The following TBL1X variants were observed in gnomAD, a reference collection of about 807,000 sequenced individuals.
The protein encoded by TBL1X is F-box-like/WD repeat-containing protein TBL1X.
TBL1X carries 10 observed loss-of-function variants against 50.7 expected under a neutral mutation model. That is an observed-to-expected ratio of 0.20 (90% CI 0.12 to 0.33). TBL1X has a LOEUF of 0.33. Among genes scored for constraint, TBL1X ranks in the 10% least tolerant of loss-of-function variants. TBL1X has a pLI of 1.00. For missense variants in TBL1X, 340 were observed against 504.4 expected, an observed-to-expected ratio of 0.67 and a Z score of 3.12; for synonymous variants, 190 against 214.7, an observed-to-expected ratio of 0.88 and a Z score of 1.01.
chrX:9,619,251 A>G (rs1368470071), intron 2 of TBL1X, among the ~76,000 whole-genome samples: 2 of 112,331 alleles, frequency 1.8e-5, no homozygotes, highest in Non-Finnish European at 3.8e-5. Flanking sequence ...GGAATCATAA[A>G]AACTGATACA....
intron 2 of TBL1X, among the ~76,000 whole-genome samples, chrX:9,545,599 A>G (rs113747606): frequency 9.2e-6 from 1 of 109,262 alleles, no homozygotes; most frequent in East Asian, 2.9e-4. Context: ...AGATTCATGG[A>G]TCGTTAAACA....
At chrX:9,539,543 C>T (rs769379046) in intron 2 of TBL1X, among the ~76,000 whole-genome samples, 3 of 111,572 alleles carry the variant, frequency 2.7e-5, no homozygotes, top group Admixed American at 9.5e-5. Context: ...GACGTGGCTC[C>T]GATATCACTT....
At chrX:9,679,408 G>A (rs147008008) in intron 5 of TBL1X, among the ~76,000 whole-genome samples, 121 of 111,305 alleles carry the variant, frequency 1.1e-3, no homozygotes, top group African/African-American at 3.9e-3. Flanking sequence ...GAGAAGCCCT[G>A]CTGTCAAGAG....
In TBL1X at chrX:9,506,241, C is replaced by G. The variant is rs144849413; in HGVS notation, c.-131+4392C>G. On this transcript the variant is annotated intron_variant, in intron 2 of 17. Transcript: ENST00000645353. ...ACATTAAGGCAGAAATCTAGTATTT[C>G]TTTGAAACCAATGAGAACAAAGAGA... is the stretch of plus-strand genomic sequence containing the variant. Among the ~76,000 whole-genome samples, 475 of 111,753 alleles carry G rather than the reference C, an allele frequency of 4.3e-3. 17 individuals are homozygous for G. The East Asian group carries it at 0.11, about 27-fold the overall frequency.
In TBL1X at chrX:9,518,828, A is replaced by G. The variant is rs144465752; in HGVS notation, c.-131+16979A>G. ...GCCTGAAGACCCTCCTTACTCCGTT[A>G]TCATAGAACCAGAGTGGTAGCCACA... On this transcript the variant is annotated intron_variant, in intron 2 of 17. Coordinates refer to ENST00000645353, the MANE Select transcript of TBL1X (RefSeq NM_005647.4). Among the ~76,000 whole-genome samples the G allele has an allele frequency of 8.2e-3, 905 of 110,823 alleles. 15 individuals are homozygous for G. Among genetic ancestry groups the G allele is most frequent in the African/African-American group, 0.028 (867 of 30,442 alleles).
At position 9,697,441 on chromosome X, in the gene TBL1X, G is replaced by A. The variant is rs72612809; in HGVS notation, c.1114+12G>A. On this transcript the variant is annotated intron_variant, in intron 12 of 17. Coordinates refer to ENST00000645353, the MANE Select transcript of TBL1X (RefSeq NM_005647.4). The stretch of plus-strand genomic sequence containing the variant: ...TCCTTTTCATTCAGGTGAGTTTTTT[G>A]TTGTTGTTGTTGTTGTTTGTTTTTT... 7.5e-6 allele frequency: 9 copies of A among 1,200,984 alleles called. No homozygotes were observed. The African/African-American group carries it at 1.4e-4, about 19-fold the overall frequency.
chrX:9,640,269 C>T lies in TBL1X; in HGVS notation c.-130-4C>T, dbSNP rs1362386086. 8.9e-6 allele frequency: 1 copy of T among 112,217 alleles called. No individual in the cohort carries two copies. The highest frequency in any genetic ancestry group is 1.9e-5 in the Non-Finnish European group (1 of 53,191). 9.2% of individuals were successfully genotyped at this position (112,217 alleles called of 1,213,427 possible). On this transcript the variant is annotated splice_region_variant and splice_polypyrimidine_tract_variant and intron_variant, in intron 2 of 17. Transcript: ENST00000645353. The stretch of plus-strand genomic sequence containing the variant: ...TTGTTTCAAACCTTTCCCTTTCTCC[C>T]TAGGCTGGTCCCTGCAGACGGCTTC...
chrX:9,534,028 C>T (rs771023706), intron 2 of TBL1X, among the ~76,000 whole-genome samples: 37 of 111,511 alleles, frequency 3.3e-4, no homozygotes, highest in Non-Finnish European at 3.6e-4. Flanking sequence ...CATGCGGGAG[C>T]AAGGGAGGGA....
At chrX:9,473,681 G>A (rs1390432656) in intron 1 of TBL1X, among the ~76,000 whole-genome samples, 1 of 112,175 alleles carries the variant, frequency 8.9e-6, no homozygotes. Context: ...CACCTTTGAA[G>A]GGGGTTTGGT....
At chrX:9,523,137 C>G (rs757017295) in intron 2 of TBL1X, among the ~76,000 whole-genome samples, 60 of 112,064 alleles carry the variant, frequency 5.4e-4, no homozygotes, top group Non-Finnish European at 9.0e-4. Flanking sequence ...ACCCCAAGTC[C>G]AGTAGCTGAT....
chrX:9,602,931 C>T (rs765859210), intron 2 of TBL1X, among the ~76,000 whole-genome samples: 1 of 112,569 alleles, frequency 8.9e-6, no homozygotes, highest in African/African-American at 3.2e-5. Context: ...CTTCATCCAC[C>T]TGGGAGCAGT....
Position 9,665,693 on chromosome X carries a change from G to A in TBL1X, c.211+11371G>A, listed in dbSNP as rs1394134639. Among the ~76,000 whole-genome samples, 8 of 101,926 alleles carry A rather than the reference G, an allele frequency of 7.8e-5. No homozygotes were observed. The East Asian group carries it at 2.3e-3, about 29-fold the overall frequency. 88.5% of individuals were successfully genotyped at this position (101,926 alleles called of 115,157 possible). On this transcript the variant is annotated intron_variant, in intron 5 of 17. Transcript: ENST00000645353. Reference sequence around the variant, plus strand: ...CCTAAAGTAATTTCTGACAGCCCGGGACTCCTTGGGAAAAACACAGGAGGT... The same window carrying A: ...CCTAAAGTAATTTCTGACAGCCCGGAACTCCTTGGGAAAAACACAGGAGGT...
At chrX:9,575,539 G>C (rs1338143398) in intron 2 of TBL1X, among the ~76,000 whole-genome samples, 1 of 111,971 alleles carries the variant, frequency 8.9e-6, no homozygotes, top group Non-Finnish European at 1.9e-5. Flanking sequence ...TCGGTGCTTC[G>C]TTCCTTTTCA....
chrX:9,509,316 G>C, intron 2 of TBL1X, among the ~76,000 whole-genome samples: 1 of 98,402 alleles, frequency 1.0e-5, no homozygotes, highest in Admixed American at 1.1e-4. Context: ...GCATGAACCC[G>C]GGAGGTGGAG....
intron 2 of TBL1X, among the ~76,000 whole-genome samples, chrX:9,613,413 C>A (rs1185369831): frequency 9.0e-6 from 1 of 111,397 alleles, no homozygotes; most frequent in Non-Finnish European, 1.9e-5. Flanking sequence ...ATTTAAAAAT[C>A]AACACTTCCT....
At chrX:9,642,375 C>T (rs2082780136) in intron 3 of TBL1X, among the ~76,000 whole-genome samples, 1 of 111,719 alleles carries the variant, frequency 9.0e-6, no homozygotes, top group Admixed American at 9.5e-5. Flanking sequence ...GAATAACCTA[C>T]ATAACATACT....
intron 2 of TBL1X, among the ~76,000 whole-genome samples, chrX:9,594,200 T>C (rs745320843): frequency 8.9e-6 from 1 of 112,921 alleles, no homozygotes; most frequent in South Asian, 3.6e-4. Context: ...ATGAAAATTA[T>C]GTTTATAAAA....
intron 2 of TBL1X, among the ~76,000 whole-genome samples, chrX:9,542,882 C>T (rs936619701): frequency 2.7e-5 from 3 of 112,361 alleles, no homozygotes; most frequent in Non-Finnish European, 5.6e-5. Flanking sequence ...CTCAGTCATT[C>T]GATCCCTGGG....
intron 3 of TBL1X, among the ~76,000 whole-genome samples, chrX:9,653,120 G>T (rs189381393): frequency 8.9e-6 from 1 of 112,741 alleles, no homozygotes; most frequent in Non-Finnish European, 1.9e-5. Flanking sequence ...AGCTGAGATC[G>T]CACCACTGCA....
Sources: allele counts gnomAD v4.1 joint callset (sites outside exome capture counted in the v4.1 genomes callset), GRCh38; gene constraint gnomAD v4.1.1; transcripts MANE v1.5; gene names NCBI Gene and HGNC (gene_info 2026-07-23, HGNC 2026-07-21).